COL13A1: variants seen among roughly 807,000 people sequenced by gnomAD.
The protein encoded by COL13A1 is collagen type XIII alpha 1 chain, also known as collagen alpha-1(XIII) chain.
COL13A1 carries 89 observed loss-of-function variants against 130.9 expected under a neutral mutation model. The ratio of observed to expected loss-of-function variants is 0.68; its 90% confidence interval spans 0.57 to 0.81. The LOEUF is 0.81. Among genes scored for constraint, COL13A1 ranks in the 30% least tolerant of loss-of-function variants. The pLI is 0.00. For synonymous variants in COL13A1, 402 were observed against 341.6 expected, an observed-to-expected ratio of 1.18 and a Z score of -1.95; for missense variants, 879 against 934.6, an observed-to-expected ratio of 0.94 and a Z score of 0.78.
Position 69,802,625 on chromosome 10 carries a change from C to A in COL13A1, c.202C>A (p.Leu68Met). ...GCTCGCCCACTTTCGGACGGCCGAG[C>A]TGCAGGCCCGGGTGCTGCGCCTGGA... ...SLLAHFRTAE[L>M]QARVLRLEAE... Residue 68 changes from leucine (L) to methionine (M), a missense_variant, in exon 1 of 41, where the codon CTG becomes ATG. Transcript: ENST00000645393. 6.2e-7 allele frequency: 1 copy of A among 1,613,276 alleles called. No individual in the cohort carries two copies. The highest frequency in any genetic ancestry group is 1.1e-5 in the South Asian group (1 of 91,064).
At chr10:69,943,379 G>A (rs1377899612) in intron 35 of COL13A1, among the ~76,000 whole-genome samples, 1 of 152,226 alleles carries the variant, frequency 6.6e-6, no homozygotes, top group East Asian at 1.9e-4. Context: ...TAGAGACTTG[G>A]TCTGGCCAGG....
rs184308042 is a variant in COL13A1, at chr10:69,851,019, C to T, written c.365-16779C>T. On this transcript the variant is annotated intron_variant, in intron 2 of 40. Coordinates refer to ENST00000645393, the MANE Select transcript of COL13A1 (RefSeq NM_001368882.1). The stretch of plus-strand genomic sequence containing the variant: ...AATCTGGATGGCACAGCACAGCAGG[C>T]ACTACAGGGGCCTTTCTACAGGGGC... Among the ~76,000 whole-genome samples, 15 of 151,472 alleles carry T rather than the reference C, an allele frequency of 9.9e-5. No individual in the cohort carries two copies. The East Asian group carries it at 2.9e-3, about 29-fold the overall frequency.
intron 17 of COL13A1, among the ~76,000 whole-genome samples, chr10:69,912,662 C>T (rs1436880527): frequency 6.6e-6 from 1 of 151,350 alleles, no homozygotes; most frequent in African/African-American, 2.4e-5. Flanking sequence ...GGCCTTCCAA[C>T]CCAGACCTGG....
intron 17 of COL13A1, among the ~76,000 whole-genome samples, chr10:69,909,494 C>T (rs905701342): frequency 6.6e-6 from 1 of 152,254 alleles, no homozygotes; most frequent in Non-Finnish European, 1.5e-5. Flanking sequence ...GCAAAGCCAA[C>T]AGCCCATGGC....
intron 2 of COL13A1, among the ~76,000 whole-genome samples, chr10:69,849,300 T>TCATAG (rs1417089391): frequency 6.7e-6 from 1 of 149,688 alleles, no homozygotes; most frequent in Admixed American, 6.6e-5. Context: ...CTGGGGGCTG[T>TCATAG]CATAGAGGCC....
At chr10:69,929,072 G>A in intron 28 of COL13A1, 73 bp downstream of exon 28, 10 of 1,225,364 alleles carry the variant, frequency 8.2e-6, no homozygotes, top group Non-Finnish European at 1.2e-5. Context: ...CTCCCCCTGT[G>A]ACCCTCTCAT....
At position 69,826,596 on chromosome 10, in the gene COL13A1, G is replaced by A. The variant is rs556496278; in HGVS notation, c.364+4158G>A. Among the ~76,000 whole-genome samples the A allele has an allele frequency of 4.8e-3, 732 of 152,300 alleles. 7 individuals carry two copies. The highest frequency in any genetic ancestry group is 0.016 in the African/African-American group (671 of 41,548). On this transcript the variant is annotated intron_variant, in intron 2 of 40. Transcript: ENST00000645393. Reference sequence around the variant, plus strand: ...GTGCCCAGGAGCCAAAGGAGCTGGGGCTCTGGGAAAACTTCACCAAGGAGA... The same window carrying A: ...GTGCCCAGGAGCCAAAGGAGCTGGGACTCTGGGAAAACTTCACCAAGGAGA...
At chr10:69,825,952 G>T (rs1216766869) in intron 2 of COL13A1, among the ~76,000 whole-genome samples, 11 of 152,186 alleles carry the variant, frequency 7.2e-5, no homozygotes, top group Non-Finnish European at 5.9e-5. Flanking sequence ...GATGCCAAAG[G>T]TCAACCCTCA....
intron 2 of COL13A1, among the ~76,000 whole-genome samples, chr10:69,851,732 G>A (rs1179422768): frequency 2.6e-5 from 4 of 152,060 alleles, no homozygotes; most frequent in African/African-American, 9.7e-5. Context: ...TCAGCTCACG[G>A]CAACCTCCAC....
intron 2 of COL13A1, among the ~76,000 whole-genome samples, chr10:69,860,190 G>A (rs1448829053): frequency 6.6e-6 from 1 of 152,230 alleles, no homozygotes; most frequent in Non-Finnish European, 1.5e-5. Context: ...CCCTGCTCCA[G>A]GGAAAAGCTG....
chr10:69,938,778 T>G (rs986930246), intron 34 of COL13A1, among the ~76,000 whole-genome samples: 2 of 152,184 alleles, frequency 1.3e-5, no homozygotes, highest in Non-Finnish European at 2.9e-5. Context: ...GAGGTAGGAA[T>G]ATTTAAGAAG....
chr10:69,952,221 C>T (rs1056213273), intron 38 of COL13A1, among the ~76,000 whole-genome samples: 2 of 152,238 alleles, frequency 1.3e-5, no homozygotes, highest in African/African-American at 4.8e-5. Flanking sequence ...CACACACATA[C>T]ATATGTGCAC....
intron 18 of COL13A1, among the ~76,000 whole-genome samples, chr10:69,917,832 G>A (rs936706551): frequency 6.6e-6 from 1 of 152,052 alleles, no homozygotes; most frequent in Non-Finnish European, 1.5e-5. Flanking sequence ...ACTGTCCCTG[G>A]TGAAATCAGC....
chr10:69,870,343 C>T (rs967618339), intron 3 of COL13A1, among the ~76,000 whole-genome samples: 1 of 150,992 alleles, frequency 6.6e-6, no homozygotes, highest in East Asian at 2.0e-4. Flanking sequence ...GGCAGGGTCT[C>T]ACTCTCTCAC....
chr10:69,925,945 C>A, intron 26 of COL13A1, 73 bp downstream of exon 26: 2 of 1,285,740 alleles, frequency 1.6e-6, no homozygotes, highest in Non-Finnish European at 2.2e-6. Context: ...GATCAGGGGG[C>A]CCTTCCACAC....
At chr10:69,926,291 CA>C (rs1299709503) in intron 26 of COL13A1, among the ~76,000 whole-genome samples, 3 of 152,256 alleles carry the variant, frequency 2.0e-5, no homozygotes, top group Non-Finnish European at 4.4e-5. Context: ...AACCCTGTTT[CA>C]AGTTCATGAG....
intron 2 of COL13A1, among the ~76,000 whole-genome samples, chr10:69,848,834 C>T (rs1017639583): frequency 6.6e-6 from 1 of 152,206 alleles, no homozygotes; most frequent in Non-Finnish European, 1.5e-5. Context: ...CTAAGAGTCC[C>T]CTCCACAACT....
intron 2 of COL13A1, among the ~76,000 whole-genome samples, chr10:69,830,583 G>A (rs192288831): frequency 9.4e-4 from 139 of 147,468 alleles, no homozygotes; most frequent in African/African-American, 3.1e-3. Context: ...TAGTAAACAC[G>A]TAAAGAAATG....
chr10:69,918,293 C>T lies in COL13A1; in HGVS notation c.975C>T (p.Pro325=), dbSNP rs183138448. The T allele has an allele frequency of 3.1e-6, 5 of 1,612,804 alleles. No individual in the cohort carries two copies. In the Admixed American group the frequency reaches 5.0e-5, roughly 16 times the overall value. Residue 325 remains proline, a synonymous_variant, in exon 19 of 41, where the codon CCC becomes CCT. Coordinates refer to ENST00000645393, the MANE Select transcript of COL13A1 (RefSeq NM_001368882.1). ...MPGKHGAKGA[P]GIAVAGMKGE... is the part of the protein sequence containing the mutation. Reference sequence around the variant, plus strand: ...TTTTCTCTCTCTGCCAGGGGGCGCCCGGAATTGCCGTGGCTGGGATGAAGG... The same window carrying T: ...TTTTCTCTCTCTGCCAGGGGGCGCCTGGAATTGCCGTGGCTGGGATGAAGG...
Sources: gnomAD v4.1 joint callset for allele counts (sites outside exome capture counted in the v4.1 genomes callset) on GRCh38, gnomAD v4.1.1 for gene constraint, MANE v1.5 for transcripts, NCBI Gene and HGNC (gene_info 2026-07-23, HGNC 2026-07-21) for gene names.